The following ACYP2 variants were observed in gnomAD, a reference collection of about 807,000 sequenced individuals.
ACYP2 encodes acylphosphatase-2.
A neutral mutation model predicts 11.2 loss-of-function variants in ACYP2; 12 were observed. That is an observed-to-expected ratio of 1.08 (90% CI 0.69 to 1.74). The LOEUF (loss-of-function observed/expected upper bound fraction) is 1.74, where lower values mean the gene tolerates loss of function less well. Among genes scored for constraint, ACYP2 ranks in the 40% most tolerant of loss-of-function variants. The pLI is 0.00. For missense variants in ACYP2, 134 were observed against 101.9 expected, an observed-to-expected ratio of 1.31 and a Z score of -1.35; for synonymous variants, 43 against 32.2, an observed-to-expected ratio of 1.33 and a Z score of -1.13.
intron 4 of ACYP2, among the ~76,000 whole-genome samples, chr2:54,077,980 T>C (rs1188547667): frequency 6.6e-6 from 1 of 151,926 alleles, no homozygotes; most frequent in East Asian, 1.9e-4. Context: ...TTCTTTTTTT[T>C]TTTTTTCAAG....
At chr2:54,265,232 G>A (rs1227782146) in intron 6 of ACYP2, among the ~76,000 whole-genome samples, 2 of 152,134 alleles carry the variant, frequency 1.3e-5, no homozygotes, top group Admixed American at 1.3e-4. Flanking sequence ...TGGCTGGGGA[G>A]GCCTCACAAT....
intron 6 of ACYP2, among the ~76,000 whole-genome samples, chr2:54,269,338 G>T (rs182860922): frequency 6.6e-6 from 1 of 152,210 alleles, no homozygotes; most frequent in South Asian, 2.1e-4. Context: ...ACTGAAATAT[G>T]TTAGGAGCTA....
chr2:54,113,176 T>C (rs1042521350), intron 4 of ACYP2, among the ~76,000 whole-genome samples: 10 of 152,218 alleles, frequency 6.6e-5, no homozygotes, highest in African/African-American at 2.4e-4. Context: ...TAAATGCTAT[T>C]ATACTGTATT....
chr2:54,138,857 A>G (rs1558562100), intron 6 of ACYP2, 109 bp downstream of exon 3: 1 of 823,554 alleles, frequency 1.2e-6, no homozygotes, highest in South Asian at 1.7e-5. Context: ...CAGTGGCACA[A>G]TCTCGGCTCA....
At chr2:54,170,378 C>T (rs1031875571) in intron 6 of ACYP2, among the ~76,000 whole-genome samples, 3 of 152,130 alleles carry the variant, frequency 2.0e-5, no homozygotes, top group African/African-American at 7.2e-5. Flanking sequence ...GTCTCGAACT[C>T]ACAGCCTCAA....
chr2:54,254,901 T>TA lies in ACYP2; in HGVS notation c.405-49785dup, dbSNP rs774791963. On this transcript the variant is annotated intron_variant, in intron 6 of 6. Transcript: ENST00000607452. ...GGTGGCAGGCAACCTTCTGCAGGAG[T>TA]AATTCCAAAGGCAAAGGTTAACCAC... The TA allele has an allele frequency of 5.6e-6, 9 of 1,597,570 alleles. No individual in the cohort carries two copies. In the East Asian group the frequency reaches 2.0e-4, roughly 36 times the overall value.
intron 2 of ACYP2, among the ~76,000 whole-genome samples, chr2:54,012,968 C>G (rs6715161): frequency 6.6e-6 from 1 of 152,028 alleles, no homozygotes; most frequent in Non-Finnish European, 1.5e-5. Flanking sequence ...TACGCCAGCT[C>G]TTAGCTGTTC....
intron 6 of ACYP2, among the ~76,000 whole-genome samples, chr2:54,270,168 T>A (rs1475873992): frequency 6.6e-6 from 1 of 152,178 alleles, no homozygotes; most frequent in Non-Finnish European, 1.5e-5. Flanking sequence ...TTTCCCTTCT[T>A]GTGTGTTTCA....
rs1361492145 is a variant in ACYP2 at position 54,115,188 on chromosome 2, CTCT to C, written c.278-20262_278-20260del. ...TTGATGAGAGTAGATCTTAAATGTT[CTCT>C]TCATTAAAAAATGGTGCAATGGATA... On this transcript the variant is annotated intron_variant, in intron 4 of 6. Coordinates refer to ENST00000607452, the MANE Select transcript of ACYP2 (RefSeq NM_001320586.2). 3.9e-5 allele frequency among the ~76,000 whole-genome samples: 6 copies of C among 152,206 alleles called. No homozygotes were observed. In the East Asian group the frequency reaches 7.7e-4, roughly 20 times the overall value.
chr2:54,150,446 A>G (rs1682101527), intron 6 of ACYP2, among the ~76,000 whole-genome samples: 1 of 152,134 alleles, frequency 6.6e-6, no homozygotes, highest in African/African-American at 2.4e-5. Flanking sequence ...TTTAAGACAG[A>G]GTTTCGCCTT....
rs1397047792 is a variant in ACYP2 at position 54,291,044 on chromosome 2, T to G, written c.405-13644T>G. Among the ~76,000 whole-genome samples the G allele has an allele frequency of 2.0e-5, 3 of 151,896 alleles. No homozygotes were observed. The South Asian group carries it at 6.2e-4, about 32-fold the overall frequency. On this transcript the variant is annotated intron_variant, in intron 6 of 6. Transcript: ENST00000607452. ...TTCTTGCTGTCTTAGATTCTTAACT[T>G]CCCCCTCACTCTAAAACCATGCAAA...
chr2:54,252,609 A>T (rs1378616062), intron 6 of ACYP2, among the ~76,000 whole-genome samples: 2 of 152,072 alleles, frequency 1.3e-5, no homozygotes, highest in Non-Finnish European at 2.9e-5. Context: ...TCATCCATTC[A>T]TAAGGAAAGA....
intron 6 of ACYP2, among the ~76,000 whole-genome samples, chr2:54,150,739 C>CTTTTTT (rs11295809): frequency 7.3e-6 from 1 of 137,380 alleles, no homozygotes; most frequent in African/African-American, 2.8e-5. Flanking sequence ...GCGTTTCTTT[C>CTTTTTT]TTTTTTTTTT....
intron 2 of ACYP2, among the ~76,000 whole-genome samples, chr2:54,033,189 C>T (rs1333058189): frequency 1.4e-5 from 2 of 139,164 alleles, no homozygotes; most frequent in African/African-American, 2.8e-5. Flanking sequence ...TCAGTCGTGC[C>T]TGTGGGCAAT....
chr2:54,073,334 C>G (rs62141002), intron 4 of ACYP2, among the ~76,000 whole-genome samples: 1 of 151,288 alleles, frequency 6.6e-6, no homozygotes, highest in Non-Finnish European at 1.5e-5. Flanking sequence ...TGAGTCCAGC[C>G]TGGGCAATGT....
intron 4 of ACYP2, among the ~76,000 whole-genome samples, chr2:54,119,705 T>C (rs1038073925): frequency 6.6e-6 from 1 of 152,266 alleles, no homozygotes; most frequent in African/African-American, 2.4e-5. Context: ...GATGTGTTGT[T>C]AGTATAGGGA....
chr2:53,998,986 T>C (rs914288620), intron 2 of ACYP2, among the ~76,000 whole-genome samples: 6 of 152,092 alleles, frequency 3.9e-5, no homozygotes, highest in Non-Finnish European at 8.8e-5. Flanking sequence ...AAGTGACACC[T>C]GTTACTTCCA....
chr2:53,990,206 T>G (rs996101776), intron 2 of ACYP2, among the ~76,000 whole-genome samples: 2 of 151,900 alleles, frequency 1.3e-5, no homozygotes. Context: ...TTTGAACTCC[T>G]GACCTCAAGT....
chr2:53,981,268 C>A (rs1381785416), intron 2 of ACYP2, among the ~76,000 whole-genome samples: 1 of 152,034 alleles, frequency 6.6e-6, no homozygotes, highest in Non-Finnish European at 1.5e-5. Flanking sequence ...ACAAAGCACA[C>A]AAAGCAAGGA....
Sources: allele counts gnomAD v4.1 joint callset (sites outside exome capture counted in the v4.1 genomes callset), GRCh38; gene constraint gnomAD v4.1.1; transcripts MANE v1.5; gene names NCBI Gene and HGNC (gene_info 2026-07-23, HGNC 2026-07-21).